The following TMCO5A variants were observed in gnomAD, a reference collection of about 807,000 sequenced individuals.
The protein encoded by TMCO5A is transmembrane and coiled-coil domain-containing protein 5A.
A neutral mutation model predicts 42.3 loss-of-function variants in TMCO5A; 34 were observed. The observed-to-expected ratio is 0.80, with a 90% CI of 0.61 to 1.07. The LOEUF (loss-of-function observed/expected upper bound fraction) is 1.07. TMCO5A is among the 50% of genes least tolerant of loss of function. TMCO5A has a pLI of 0.00. For synonymous variants in TMCO5A, 131 were observed against 115.6 expected, an observed-to-expected ratio of 1.13 and a Z score of -0.86; for missense variants, 357 against 327.9, an observed-to-expected ratio of 1.09 and a Z score of -0.69.
At chr15:37,948,026 T>C (rs1272016571) in intron 11 of TMCO5A, among the ~76,000 whole-genome samples, 1 of 152,114 alleles carries the variant, frequency 6.6e-6, no homozygotes, top group Non-Finnish European at 1.5e-5. Flanking sequence ...TGGATTAGCT[T>C]GATGTATCTG....
chr15:37,945,076 T>A (rs545346761), intron 10 of TMCO5A, among the ~76,000 whole-genome samples: 72 of 152,238 alleles, frequency 4.7e-4, no homozygotes, highest in Non-Finnish European at 8.2e-4. Flanking sequence ...CCTGCATGTG[T>A]CCATGTGTTC....
chr15:37,938,808 C>T (rs1447074050), intron 6 of TMCO5A, among the ~76,000 whole-genome samples: 1 of 151,988 alleles, frequency 6.6e-6, no homozygotes, highest in African/African-American at 2.4e-5. Context: ...TGACCACTAC[C>T]TGCTAAGCAC....
the TMCO5A span, among the ~76,000 whole-genome samples, chr15:37,995,827 C>A: frequency 6.6e-6 from 1 of 150,862 alleles, no homozygotes; most frequent in African/African-American, 2.5e-5. Flanking sequence ...TTAGAGTGGA[C>A]TGTTATGCAA....
the TMCO5A span, among the ~76,000 whole-genome samples, chr15:38,037,238 A>G: frequency 6.6e-6 from 1 of 152,204 alleles, no homozygotes; most frequent in Non-Finnish European, 1.5e-5. Context: ...ATTTAAGAGG[A>G]AGAAATAAAC....
At chr15:38,032,649 A>G in the TMCO5A span, among the ~76,000 whole-genome samples, 4 of 152,254 alleles carry the variant, frequency 2.6e-5, no homozygotes. Flanking sequence ...CCCAGTGGGT[A>G]GCCAGGCATT....
intron 11 of TMCO5A, among the ~76,000 whole-genome samples, chr15:37,949,982 T>C (rs1052408900): frequency 2.0e-5 from 3 of 152,168 alleles, no homozygotes; most frequent in African/African-American, 7.2e-5. Context: ...TTTCTGGTAG[T>C]TGACAAAGTC....
chr15:38,025,024 A>T, the TMCO5A span: 1 of 152,208 alleles, frequency 6.6e-6, no homozygotes, highest in African/African-American at 2.4e-5. Context: ...CATAAGCCAC[A>T]TAGTTTGTGA....
At chr15:37,969,607 G>A (rs563197179), downstream of TMCO5A, among the ~76,000 whole-genome samples, 97 of 152,196 alleles carry the variant, frequency 6.4e-4, no homozygotes, top group African/African-American at 2.3e-3. Flanking sequence ...TGCTATATAG[G>A]TAAATTGCAT....
At position 37,951,127 on chromosome 15, in the gene TMCO5A, C is replaced by T. The variant is rs2140288020; in HGVS notation, c.760C>T (p.Leu254Phe). 1 of 1,613,758 alleles carries T rather than the reference C, an allele frequency of 6.2e-7. No homozygotes were observed. Among genetic ancestry groups the T allele is most frequent in the Non-Finnish European group, 8.5e-7 (1 of 1,179,874 alleles). ...FHVRFINPDLLVNVLPKVLGR... is the reference protein window; with the variant it reads ...FHVRFINPDLFVNVLPKVLGR... ...TGTAAGATTCATAAATCCAGATCTC[C>T]TCGTCAATGTACTGCCCAAGGTACT... is the stretch of plus-strand genomic sequence containing the variant. The change falls in exon 12 of 12, where the codon CTC becomes TTC. Residue 254 changes from leucine to phenylalanine, a missense_variant. Transcript: ENST00000319669.
chr15:38,008,090 T>C, the TMCO5A span, among the ~76,000 whole-genome samples: 3 of 151,502 alleles, frequency 2.0e-5, no homozygotes, highest in Non-Finnish European at 2.9e-5. Context: ...AGAGATGGGG[T>C]TTCACCATGT....
the TMCO5A span, among the ~76,000 whole-genome samples, chr15:38,030,837 C>T: frequency 6.6e-6 from 1 of 152,174 alleles, no homozygotes; most frequent in Non-Finnish European, 1.5e-5. Flanking sequence ...TTACATGGCA[C>T]CTCCTCAAGG....
Position 37,942,333 on chromosome 15 carries a change from C to T in TMCO5A, c.569+78C>T, listed in dbSNP as rs894462550. 2.7e-5 allele frequency: 37 copies of T among 1,390,466 alleles called. 1 individual carries two copies. In the Admixed American group the frequency reaches 6.9e-4, roughly 26 times the overall value. 86.1% of individuals were successfully genotyped at this position (1,390,466 alleles called of 1,614,324 possible). A position where few individuals can be genotyped will look rare whatever the true frequency, so the allele number is the denominator to read the frequency against. On this transcript the variant is annotated intron_variant, in intron 9 of 11. Transcript: ENST00000319669. ...TGAGTCAGAGCAAACAGTTCTCAGA[C>T]CAATTTCTATTTGGAATTGAATGAG... is the stretch of plus-strand genomic sequence containing the variant.
chr15:37,948,771 C>G (rs2140283805), intron 11 of TMCO5A, among the ~76,000 whole-genome samples: 1 of 152,116 alleles, frequency 6.6e-6, no homozygotes, highest in Admixed American at 6.6e-5. Flanking sequence ...GGCACTAACT[C>G]AAGAGACAAG....
downstream of TMCO5A, among the ~76,000 whole-genome samples, chr15:37,971,199 C>T (rs897495513): frequency 6.6e-6 from 1 of 152,244 alleles, no homozygotes; most frequent in Non-Finnish European, 1.5e-5. Flanking sequence ...CAGAGGTTCT[C>T]AAACCTCAAT....
At chr15:37,944,753 T>G (rs1889874360) in intron 10 of TMCO5A, among the ~76,000 whole-genome samples, 1 of 152,040 alleles carries the variant, frequency 6.6e-6, no homozygotes. Context: ...AATGTGATCA[T>G]AATTCCTCTT....
intron 6 of TMCO5A, 21 bp from the exon 7 acceptor site, chr15:37,941,128 A>G (rs759550715): frequency 5.3e-5 from 85 of 1,612,370 alleles, no homozygotes; most frequent in Non-Finnish European, 6.5e-5. Flanking sequence ...CCAAGTTAGC[A>G]GTCTCTTTTG....
At chr15:37,995,493 A>G in the TMCO5A span, among the ~76,000 whole-genome samples, 1 of 152,240 alleles carries the variant, frequency 6.6e-6, no homozygotes. Flanking sequence ...CTTGGACAAT[A>G]ATGGTTAGAA....
At chr15:38,008,613 A>C in the TMCO5A span, among the ~76,000 whole-genome samples, 3 of 152,198 alleles carry the variant, frequency 2.0e-5, no homozygotes, top group Non-Finnish European at 4.4e-5. Context: ...ACTAAATACC[A>C]ATAAGCTTCT....
the TMCO5A span, among the ~76,000 whole-genome samples, chr15:37,988,977 C>G: frequency 1.3e-5 from 2 of 151,774 alleles, no homozygotes; most frequent in Admixed American, 6.6e-5. Context: ...CCAGGGTTTT[C>G]TTTATTGGGA....
Sources: gnomAD v4.1 joint callset for allele counts (sites outside exome capture counted in the v4.1 genomes callset) on GRCh38, gnomAD v4.1.1 for gene constraint, MANE v1.5 for transcripts, NCBI Gene and HGNC (gene_info 2026-07-23, HGNC 2026-07-21) for gene names.